The following MTHFS variants were observed in gnomAD, a reference collection of about 807,000 sequenced individuals.
MTHFS encodes 5-formyltetrahydrofolate cyclo-ligase.
In MTHFS, 7 loss-of-function variants were observed where a neutral mutation model predicts 12.7. The ratio of observed to expected loss-of-function variants is 0.55; its 90% CI spans 0.31 to 1.03. The LOEUF (loss-of-function observed/expected upper bound fraction) is 1.03. MTHFS is among the 50% of genes least tolerant of loss of function. MTHFS has a pLI of 0.05. For synonymous variants in MTHFS, 100 were observed against 97.1 expected (o/e 1.03, Z -0.18); for missense variants, 252 against 258.1 (o/e 0.98, Z 0.16).
chr15:79,897,080 G>C, upstream of MTHFS: 1 of 1,265,854 alleles, frequency 7.9e-7, no homozygotes, highest in Non-Finnish European at 1.0e-6. Context: ...GTGGATCCGC[G>C]GCCTAGGGGC....
At chr15:79,883,471 G>GAGTCTA (rs200363180) in intron 2 of MTHFS, among the ~76,000 whole-genome samples, 9,902 of 152,228 alleles carry the variant, frequency 0.065, 348 homozygotes, top group Middle Eastern at 0.13. Flanking sequence ...TGCTCCGAAA[G>GAGTCTA]AGTCTATCAG....
At chr15:79,870,773 A>T (rs1261303508) in intron 2 of MTHFS, among the ~76,000 whole-genome samples, 1 of 152,252 alleles carries the variant, frequency 6.6e-6, no homozygotes, top group Non-Finnish European at 1.5e-5. Context: ...AATGAAAAAA[A>T]TTCTTTAAAG....
intron 1 of MTHFS, among the ~76,000 whole-genome samples, chr15:79,894,489 G>C (rs1177712629): frequency 6.6e-6 from 1 of 152,148 alleles, no homozygotes; most frequent in Non-Finnish European, 1.5e-5. Flanking sequence ...ATTACTGAGG[G>C]TCATGGGTCT....
chr15:79,860,257 C>T (rs369403338), intron 2 of MTHFS, among the ~76,000 whole-genome samples: 6 of 151,774 alleles, frequency 4.0e-5, no homozygotes, highest in Admixed American at 2.0e-4. Flanking sequence ...GGTGTGGTGT[C>T]GGGTGCCTGT....
At chr15:79,868,699 C>T (rs991825321) in intron 2 of MTHFS, among the ~76,000 whole-genome samples, 4 of 152,222 alleles carry the variant, frequency 2.6e-5, no homozygotes, top group African/African-American at 9.6e-5. Flanking sequence ...ATCACATTTC[C>T]TGCACAAGGA....
chr15:79,880,817 T>TA (rs2141369566), intron 2 of MTHFS, among the ~76,000 whole-genome samples: 1 of 149,174 alleles, frequency 6.7e-6, no homozygotes, highest in African/African-American at 2.4e-5. Flanking sequence ...ACAAAAAACT[T>TA]TTAAACTACA....
At chr15:79,861,710 T>G (rs766609961) in intron 2 of MTHFS, among the ~76,000 whole-genome samples, 3 of 152,224 alleles carry the variant, frequency 2.0e-5, no homozygotes, top group African/African-American at 7.2e-5. Context: ...AACAGAAGAC[T>G]GGTTAAATAA....
chr15:79,892,286 G>A (rs2034487940), intron 1 of MTHFS, among the ~76,000 whole-genome samples: 3 of 152,204 alleles, frequency 2.0e-5, no homozygotes, highest in East Asian at 1.9e-4. Flanking sequence ...CAATGGCAGT[G>A]CAATGGGCCA....
chr15:79,881,971 G>A (rs1479812931), intron 2 of MTHFS, among the ~76,000 whole-genome samples: 2 of 152,230 alleles, frequency 1.3e-5, no homozygotes, highest in African/African-American at 2.4e-5. Context: ...GCCTAACTCA[G>A]GAGGCAATGT....
chr15:79,894,943 A>AT (rs560132328), intron 1 of MTHFS, among the ~76,000 whole-genome samples: 3 of 151,684 alleles, frequency 2.0e-5, no homozygotes, highest in East Asian at 1.9e-4. Flanking sequence ...TGGTCTCCAT[A>AT]TTTTTTTTCT....
intron 1 of MTHFS, among the ~76,000 whole-genome samples, chr15:79,893,060 TCA>T (rs1377328622): frequency 6.6e-6 from 1 of 152,176 alleles, no homozygotes; most frequent in Non-Finnish European, 1.5e-5. Flanking sequence ...TGGAAATCGG[TCA>T]CAAATACTGC....
chr15:79,844,270 T>A lies in MTHFS; in HGVS notation c.*940A>T, dbSNP rs2033570063. 2 of 152,174 alleles carry A rather than the reference T, an allele frequency of 1.3e-5. No individual in the cohort carries two copies. Among genetic ancestry groups the A allele is most frequent in the Non-Finnish European group, 2.9e-5 (2 of 68,040 alleles). The allele number at this position is 152,174 out of a possible 1,614,324, so 9.4% of individuals were successfully genotyped here. On this transcript the variant is annotated 3_prime_UTR_variant, in exon 3 of 3. Coordinates refer to ENST00000258874, the MANE Select transcript of MTHFS (RefSeq NM_006441.4). ...AAGCCAAGGGAAGCAGGTGTGACAC[T>A]CTCGCCTAGTCCAGCTTAGAAATGC...
At chr15:79,895,823 A>G (rs976983792) in intron 1 of MTHFS, among the ~76,000 whole-genome samples, 1 of 152,264 alleles carries the variant, frequency 6.6e-6, no homozygotes, top group Non-Finnish European at 1.5e-5. Flanking sequence ...GCCTGATGGT[A>G]TAACTAATTC....
intron 2 of MTHFS, chr15:79,876,002 T>C (rs1482686614): frequency 6.6e-6 from 1 of 151,888 alleles, no homozygotes; most frequent in Non-Finnish European, 1.5e-5. Flanking sequence ...ACACAAAAAT[T>C]GAGCAGAGAT....
At chr15:79,889,434 A>C in intron 1 of MTHFS, 80 bp from the exon 2 acceptor site, 2 of 1,157,466 alleles carry the variant, frequency 1.7e-6, no homozygotes, top group Non-Finnish European at 1.2e-6. Context: ...TTTCTCTCTC[A>C]GCCTTCTCCA....
At chr15:79,892,991 C>T (rs929224530) in intron 1 of MTHFS, among the ~76,000 whole-genome samples, 1 of 152,038 alleles carries the variant, frequency 6.6e-6, no homozygotes, top group African/African-American at 2.4e-5. Context: ...GTATTCAGTG[C>T]TTTACATATT....
intron 2 of MTHFS, among the ~76,000 whole-genome samples, chr15:79,887,381 CAA>C (rs1450423851): frequency 2.8e-4 from 42 of 152,176 alleles, no homozygotes; most frequent in Non-Finnish European, 2.9e-5. Context: ...AACAAATGCA[CAA>C]AAGTTCAAAG....
At chr15:79,891,610 GAGA>G (rs2034473477) in intron 1 of MTHFS, among the ~76,000 whole-genome samples, 3 of 152,132 alleles carry the variant, frequency 2.0e-5, no homozygotes, top group Admixed American at 1.3e-4. Context: ...TTAAGAAATA[GAGA>G]AGATCAATCT....
At chr15:79,897,131 A>T, upstream of MTHFS, 1 of 732,558 alleles carries the variant, frequency 1.4e-6, no homozygotes, top group Non-Finnish European at 2.0e-6. Flanking sequence ...CGCTTCCGGG[A>T]CGCGGGCCCG....
Sources: gnomAD v4.1 joint callset for allele counts (sites outside exome capture counted in the v4.1 genomes callset) on GRCh38, gnomAD v4.1.1 for gene constraint, MANE v1.5 for transcripts, NCBI Gene and HGNC (gene_info 2026-07-23, HGNC 2026-07-21) for gene names.